Variants in TBC1D22A observed in about 807,000 individuals in gnomAD.
The protein encoded by TBC1D22A is putative GTPase activator.
TBC1D22A carries 38 observed loss-of-function variants against 60.2 expected under a neutral mutation model. That is an observed-to-expected ratio of 0.63 (90% CI 0.49 to 0.83). The LOEUF (loss-of-function observed/expected upper bound fraction) is 0.83. Among genes scored for constraint, TBC1D22A ranks in the 40% least tolerant of loss-of-function variants. The pLI, the probability that TBC1D22A is intolerant of heterozygous loss-of-function variation, is 0.00. For synonymous variants in TBC1D22A, 302 were observed against 281.7 expected (o/e 1.07, Z -0.72); for missense variants, 628 against 701.0 (o/e 0.90, Z 1.18).
chr22:47,123,995 A>G (rs2147096532), intron 12 of TBC1D22A, among the ~76,000 whole-genome samples: 1 of 152,278 alleles, frequency 6.6e-6, no homozygotes, highest in African/African-American at 2.4e-5. Flanking sequence ...CTGATGCAAC[A>G]CCGTGAAACA....
At chr22:46,992,642 G>C (rs1236617261) in intron 9 of TBC1D22A, among the ~76,000 whole-genome samples, 2 of 152,256 alleles carry the variant, frequency 1.3e-5, no homozygotes, top group Non-Finnish European at 2.9e-5. Context: ...CTGGCACGTA[G>C]GAGGCTTTCA....
chr22:47,147,547 T>C (rs1356907863), intron 12 of TBC1D22A, among the ~76,000 whole-genome samples: 1 of 152,218 alleles, frequency 6.6e-6, no homozygotes, highest in African/African-American at 2.4e-5. Context: ...GGGTCACACA[T>C]AGTGCCCTCA....
chr22:46,766,859 C>T (rs2083305212), intron 1 of TBC1D22A, among the ~76,000 whole-genome samples: 1 of 152,104 alleles, frequency 6.6e-6, no homozygotes, highest in African/African-American at 2.4e-5. Context: ...TTTATGCAGC[C>T]TGAACTAAAG....
At chr22:47,069,305 A>G (rs976764861) in intron 11 of TBC1D22A, among the ~76,000 whole-genome samples, 4 of 152,274 alleles carry the variant, frequency 2.6e-5, no homozygotes, top group African/African-American at 9.6e-5. Context: ...TGATCCAAAC[A>G]ATCTCAAAAC....
At chr22:46,897,652 GTTT>G (rs34529641) in intron 7 of TBC1D22A, among the ~76,000 whole-genome samples, 11 of 111,502 alleles carry the variant, frequency 9.9e-5, no homozygotes, top group Non-Finnish European at 1.0e-4. Flanking sequence ...TTTTTTTTGT[GTTT>G]TTTTTTTTTT....
intron 7 of TBC1D22A, among the ~76,000 whole-genome samples, chr22:46,904,153 A>ATCTATCTATCTATCTATCTG (rs1479581463): frequency 2.0e-5 from 2 of 100,332 alleles, no homozygotes; most frequent in African/African-American, 7.2e-5. Flanking sequence ...CTACCTACCT[A>ATCTATCTATCTATCTATCTG]CCTACCTACC....
intron 8 of TBC1D22A, among the ~76,000 whole-genome samples, chr22:46,944,646 C>T (rs983665762): frequency 6.6e-6 from 1 of 152,218 alleles, no homozygotes; most frequent in Non-Finnish European, 1.5e-5. Flanking sequence ...AATCTGCCCA[C>T]CTTGGCCTCC....
chr22:47,098,405 C>G (rs1384182731), intron 11 of TBC1D22A, among the ~76,000 whole-genome samples: 1 of 152,200 alleles, frequency 6.6e-6, no homozygotes, highest in African/African-American at 2.4e-5. Context: ...TATGGCTGTT[C>G]TGACACCCTG....
At chr22:46,816,587 T>C (rs1376665150) in intron 4 of TBC1D22A, among the ~76,000 whole-genome samples, 1 of 152,212 alleles carries the variant, frequency 6.6e-6, no homozygotes, top group Non-Finnish European at 1.5e-5. Context: ...TGAGGCTCTT[T>C]GCTTTAGGCA....
At chr22:47,052,092 G>A (rs1278952253) in intron 11 of TBC1D22A, among the ~76,000 whole-genome samples, 11 of 152,324 alleles carry the variant, frequency 7.2e-5, no homozygotes, top group East Asian at 1.9e-4. Context: ...CCCCAGCAAG[G>A]TGTCCGCAGG....
intron 12 of TBC1D22A, among the ~76,000 whole-genome samples, chr22:47,149,156 C>T (rs1042808910): frequency 6.6e-6 from 1 of 152,090 alleles, no homozygotes; most frequent in Admixed American, 6.5e-5. Flanking sequence ...TCACATGGCT[C>T]GGGGGCCCTT....
chr22:46,888,463 T>G (rs2068231173), intron 5 of TBC1D22A, among the ~76,000 whole-genome samples: 1 of 121,042 alleles, frequency 8.3e-6, no homozygotes, highest in South Asian at 2.6e-4. Flanking sequence ...TCATATGTGA[T>G]TCACCCAGTG....
intron 6 of TBC1D22A, among the ~76,000 whole-genome samples, chr22:46,894,553 A>G (rs6009029): frequency 0.014 from 2,086 of 152,252 alleles, 63 homozygotes; most frequent in African/African-American, 0.048. Flanking sequence ...CTGGATAGGG[A>G]CAGTGTCAAG....
At chr22:46,791,462 C>A (rs1454723838) in intron 1 of TBC1D22A, among the ~76,000 whole-genome samples, 2 of 152,118 alleles carry the variant, frequency 1.3e-5, no homozygotes, top group African/African-American at 4.8e-5. Flanking sequence ...ATGGCTGAGG[C>A]CTCACCTCTG....
At chr22:47,060,417 T>C (rs947065303) in intron 11 of TBC1D22A, among the ~76,000 whole-genome samples, 2 of 150,316 alleles carry the variant, frequency 1.3e-5, no homozygotes, top group Admixed American at 6.6e-5. Context: ...AATTCGTTGT[T>C]TTTTGTTGTT....
At chr22:46,864,879 C>G (rs772872928) in intron 4 of TBC1D22A, among the ~76,000 whole-genome samples, 1 of 152,228 alleles carries the variant, frequency 6.6e-6, no homozygotes, top group South Asian at 2.1e-4. Flanking sequence ...GTGGCGTGAT[C>G]GACCGAGTGA....
intron 8 of TBC1D22A, among the ~76,000 whole-genome samples, chr22:46,963,377 C>CTCATCACA (rs1373445843): frequency 9.2e-5 from 14 of 151,452 alleles, no homozygotes; most frequent in South Asian, 2.1e-4. Context: ...TCCCGCAGTG[C>CTCATCACA]CCAAGGCTGG....
At chr22:46,873,393 G>A (rs192410885) in intron 4 of TBC1D22A, among the ~76,000 whole-genome samples, 111 of 152,246 alleles carry the variant, frequency 7.3e-4, no homozygotes, top group African/African-American at 2.6e-3. Context: ...GACTGACAAC[G>A]CTAAATTTTG....
At chr22:46,931,095 G>A (rs78169126) in intron 8 of TBC1D22A, among the ~76,000 whole-genome samples, 2,222 of 152,242 alleles carry the variant, frequency 0.015, 46 homozygotes, top group African/African-American at 0.05. Context: ...TTTGGAAGTC[G>A]CTGTCTCAGA....
Sources: allele counts gnomAD v4.1 joint callset (sites outside exome capture counted in the v4.1 genomes callset), GRCh38; gene constraint gnomAD v4.1.1; transcripts MANE v1.5; gene names NCBI Gene and HGNC (gene_info 2026-07-23, HGNC 2026-07-21).